TSGA10: variants seen among roughly 807,000 people sequenced by gnomAD.
The protein encoded by TSGA10 is testis-specific gene 10 protein.
TSGA10 carries 43 observed loss-of-function variants against 96.6 expected under a neutral mutation model. The ratio of observed to expected loss-of-function variants is 0.44; its 90% confidence interval spans 0.35 to 0.57. TSGA10 has a LOEUF of 0.57. Among genes scored for constraint, TSGA10 ranks in the 20% least tolerant of loss-of-function variants. The probability of loss-of-function intolerance (pLI) is 0.01; values close to 1 mark genes in which losing one functional copy is unlikely to be tolerated. For missense variants in TSGA10, 703 were observed against 834.4 expected, an observed-to-expected ratio of 0.84 and a Z score of 1.94; for synonymous variants, 229 against 269.9, an observed-to-expected ratio of 0.85 and a Z score of 1.48.
chr2:99,041,129 T>A (rs2082145623), intron 16 of TSGA10, among the ~76,000 whole-genome samples: 1 of 152,262 alleles, frequency 6.6e-6, no homozygotes, highest in South Asian at 2.1e-4. Flanking sequence ...AAATTGGGTA[T>A]CAGTTTAAGA....
At chr2:99,150,509 T>C in intron 1 of TSGA10, 1 of 1,569,692 alleles carries the variant, frequency 6.4e-7, no homozygotes, top group Non-Finnish European at 8.6e-7. Context: ...ACACTTCCAC[T>C]ACTTAAAAAG....
At chr2:99,003,272 C>A (rs929152455) in intron 20 of TSGA10, among the ~76,000 whole-genome samples, 1 of 152,148 alleles carries the variant, frequency 6.6e-6, no homozygotes, top group Admixed American at 6.6e-5. Context: ...TGCACCCAAT[C>A]AATACAGGAG....
chr2:99,077,546 C>T (rs2086864806), intron 12 of TSGA10, among the ~76,000 whole-genome samples: 1 of 151,948 alleles, frequency 6.6e-6, no homozygotes, highest in Admixed American at 6.6e-5. Flanking sequence ...GCCTTGTTGG[C>T]AACACCTTTT....
intron 4 of TSGA10, among the ~76,000 whole-genome samples, chr2:99,113,876 A>G (rs1402962518): frequency 1.3e-5 from 2 of 152,188 alleles, no homozygotes; most frequent in African/African-American, 2.4e-5. Flanking sequence ...CCTGAGAAAC[A>G]GTGAACCAGA....
In TSGA10 at chr2:99,082,595, T is replaced by C. The variant is rs2087668532; in HGVS notation, c.612-1198A>G. Among the ~76,000 whole-genome samples, 4 of 152,006 alleles carry C rather than the reference T, an allele frequency of 2.6e-5. No homozygotes were observed. In the South Asian group the frequency reaches 8.3e-4, roughly 31 times the overall value. ...AAAATTTGGTTCCCGATTGGTCATA[T>C]AATCAGGAACCCCTTGCAAAACTCT... is the stretch of plus-strand genomic sequence containing the variant. On this transcript the variant is annotated intron_variant, in intron 10 of 20. Transcript: ENST00000393483.
intron 10 of TSGA10, among the ~76,000 whole-genome samples, chr2:99,093,876 T>G (rs188703778): frequency 4.8e-4 from 73 of 152,178 alleles, no homozygotes; most frequent in African/African-American, 1.7e-3. Context: ...TAACACCATC[T>G]TTCTTCACAG....
At chr2:99,079,754 T>C (rs1344719575) in intron 11 of TSGA10, among the ~76,000 whole-genome samples, 2 of 152,170 alleles carry the variant, frequency 1.3e-5, no homozygotes, top group East Asian at 3.8e-4. Context: ...TGAGAACCAC[T>C]GGTCTAGAGC....
At chr2:99,003,543 G>A (rs1385081351) in intron 20 of TSGA10, among the ~76,000 whole-genome samples, 1 of 152,110 alleles carries the variant, frequency 6.6e-6, no homozygotes, top group East Asian at 1.9e-4. Context: ...TGACCACATA[G>A]TTGGAAGTAA....
intron 10 of TSGA10, among the ~76,000 whole-genome samples, chr2:99,101,470 A>G (rs951317946): frequency 1.3e-5 from 2 of 152,084 alleles, no homozygotes; most frequent in Non-Finnish European, 2.9e-5. Context: ...CCCCAGCCCA[A>G]GACAAGCTTT....
intron 1 of TSGA10, among the ~76,000 whole-genome samples, chr2:99,133,981 G>T (rs2093220826): frequency 6.6e-6 from 1 of 152,116 alleles, no homozygotes; most frequent in Admixed American, 6.6e-5. Context: ...TTCCCTTTGT[G>T]GGTAACCCAA....
chr2:99,086,271 C>A (rs775344980), intron 10 of TSGA10, among the ~76,000 whole-genome samples: 3 of 152,112 alleles, frequency 2.0e-5, no homozygotes, highest in Non-Finnish European at 4.4e-5. Context: ...ACACCATACA[C>A]GAAAAACCTA....
At chr2:99,122,495 T>G (rs960165362) in intron 2 of TSGA10, among the ~76,000 whole-genome samples, 8 of 151,446 alleles carry the variant, frequency 5.3e-5, no homozygotes, top group Admixed American at 1.3e-4. Flanking sequence ...AAAAAAAAAT[T>G]TGAATCGGAG....
intron 20 of TSGA10, among the ~76,000 whole-genome samples, chr2:99,017,860 A>C (rs1316619081): frequency 2.0e-5 from 3 of 152,012 alleles, no homozygotes; most frequent in Admixed American, 2.0e-4. Context: ...CAATGGGTAC[A>C]GTGCACACTG....
At chr2:99,116,571 G>T (rs932103137) in intron 4 of TSGA10, among the ~76,000 whole-genome samples, 1 of 151,722 alleles carries the variant, frequency 6.6e-6, no homozygotes, top group Non-Finnish European at 1.5e-5. Flanking sequence ...GAAACTAGCA[G>T]TATCAACAGA....
chr2:99,024,466 A>G (rs1362955343), intron 17 of TSGA10, among the ~76,000 whole-genome samples: 1 of 152,000 alleles, frequency 6.6e-6, no homozygotes, highest in Non-Finnish European at 1.5e-5. Context: ...GTTCATTGTT[A>G]ATGTATAGAA....
chr2:99,084,980 G>A (rs569778911), intron 10 of TSGA10, among the ~76,000 whole-genome samples: 13 of 151,814 alleles, frequency 8.6e-5, no homozygotes, highest in Middle Eastern at 3.4e-3. Context: ...GGCCGGGAGC[G>A]GTGGCTCATG....
At chr2:99,061,047 T>C (rs773216595) in intron 16 of TSGA10, among the ~76,000 whole-genome samples, 3 of 152,194 alleles carry the variant, frequency 2.0e-5, no homozygotes, top group South Asian at 2.1e-4. Flanking sequence ...AAAAAGAAAA[T>C]TGGTAAACTG....
chr2:98,999,328 G>C (rs1338820866), intron 20 of TSGA10, among the ~76,000 whole-genome samples: 4 of 152,154 alleles, frequency 2.6e-5, no homozygotes, highest in Non-Finnish European at 5.9e-5. Context: ...TATTATGCTG[G>C]GTGAAAGTCA....
At chr2:99,115,232 C>T (rs1469600127) in intron 4 of TSGA10, among the ~76,000 whole-genome samples, 3 of 151,812 alleles carry the variant, frequency 2.0e-5, no homozygotes, top group Non-Finnish European at 4.4e-5. Flanking sequence ...CATGCTTGGC[C>T]CAATTTTGAT....
Sources: allele counts gnomAD v4.1 joint callset (sites outside exome capture counted in the v4.1 genomes callset), GRCh38; gene constraint gnomAD v4.1.1; transcripts MANE v1.5; gene names NCBI Gene and HGNC (gene_info 2026-07-23, HGNC 2026-07-21).